Variants in TMEM232 observed in about 807,000 individuals in gnomAD.
TMEM232 encodes the protein transmembrane protein 232.
In TMEM232, 80 loss-of-function variants were observed where a neutral mutation model predicts 78.8. That is an observed-to-expected ratio of 1.01 (90% CI 0.85 to 1.22). TMEM232 has a LOEUF of 1.22. Ranked by LOEUF, TMEM232 falls within the 50% of genes most tolerant of loss-of-function variation. The pLI is 0.00. For synonymous variants in TMEM232, 297 were observed against 254.3 expected (o/e 1.17, Z -1.60); for missense variants, 881 against 742.2 (o/e 1.19, Z -2.17).
chr5:110,685,670 T>C (rs754061534), intron 1 of TMEM232, among the ~76,000 whole-genome samples: 1 of 152,094 alleles, frequency 6.6e-6, no homozygotes, highest in Non-Finnish European at 1.5e-5. Context: ...ATGAAAACAC[T>C]GTCATAAAAA....
intron 12 of TMEM232, among the ~76,000 whole-genome samples, chr5:110,528,249 C>A (rs1169356997): frequency 6.6e-6 from 1 of 151,430 alleles, no homozygotes; most frequent in African/African-American, 2.4e-5. Context: ...AAATACATAT[C>A]AAATATGTAT....
chr5:110,642,878 G>T (rs907939873), intron 2 of TMEM232, among the ~76,000 whole-genome samples: 1 of 152,068 alleles, frequency 6.6e-6, no homozygotes, highest in Non-Finnish European at 1.5e-5. Context: ...GAGATGGGAG[G>T]CTACTGCAGG....
chr5:110,693,930 T>C (rs1419280132), intron 1 of TMEM232, among the ~76,000 whole-genome samples: 2 of 151,974 alleles, frequency 1.3e-5, no homozygotes, highest in Non-Finnish European at 2.9e-5. Flanking sequence ...CAGGCCAACA[T>C]TCAAATTCAG....
intron 2 of TMEM232, among the ~76,000 whole-genome samples, chr5:110,649,751 C>T (rs1788033237): frequency 1.3e-5 from 2 of 152,020 alleles, no homozygotes; most frequent in Non-Finnish European, 2.9e-5. Context: ...AATGCCTATT[C>T]TGTGGCATGC....
intron 10 of TMEM232, among the ~76,000 whole-genome samples, chr5:110,596,962 G>T (rs894978105): frequency 6.6e-6 from 1 of 152,124 alleles, no homozygotes; most frequent in African/African-American, 2.4e-5. Flanking sequence ...CACAAGATAG[G>T]GATGACCTCT....
chr5:110,649,674 T>G (rs963135761), intron 2 of TMEM232, among the ~76,000 whole-genome samples: 5 of 152,160 alleles, frequency 3.3e-5, no homozygotes, highest in African/African-American at 4.8e-5. Context: ...TTAAAGTTTG[T>G]GTTTCCCTAA....
chr5:110,716,014 C>T (rs531045811), intron 1 of TMEM232, among the ~76,000 whole-genome samples: 1 of 152,070 alleles, frequency 6.6e-6, no homozygotes, highest in African/African-American at 2.4e-5. Context: ...CCCACCACTC[C>T]CAGCTTTGAG....
intron 12 of TMEM232, among the ~76,000 whole-genome samples, chr5:110,439,752 A>T (rs1386494821): frequency 6.6e-6 from 1 of 152,008 alleles, no homozygotes; most frequent in Non-Finnish European, 1.5e-5. Flanking sequence ...CAATTCACGG[A>T]GTCAAAATAC....
At chr5:110,681,944 A>G (rs1792802536) in intron 1 of TMEM232, among the ~76,000 whole-genome samples, 1 of 152,204 alleles carries the variant, frequency 6.6e-6, no homozygotes, top group Admixed American at 6.5e-5. Flanking sequence ...ATATTTCATG[A>G]TATTTCATAG....
intron 12 of TMEM232, among the ~76,000 whole-genome samples, chr5:110,426,542 A>G (rs562535427): frequency 1.3e-5 from 2 of 152,076 alleles, no homozygotes; most frequent in Non-Finnish European, 2.9e-5. Flanking sequence ...AATGGAGGGC[A>G]ATCTCAGGAG....
chr5:110,548,167 G>C (rs1175201710), intron 11 of TMEM232, among the ~76,000 whole-genome samples: 1 of 151,340 alleles, frequency 6.6e-6, no homozygotes, highest in South Asian at 2.1e-4. Context: ...AATAAGGAAA[G>C]AAACTTTTAA....
intron 11 of TMEM232, among the ~76,000 whole-genome samples, chr5:110,561,466 T>C (rs1021130419): frequency 2.0e-5 from 3 of 151,972 alleles, no homozygotes; most frequent in African/African-American, 7.3e-5. Context: ...ACATAAAGTG[T>C]TTATCAGATG....
At chr5:110,396,202 CA>C (rs895896476) in intron 3 of TMEM232, among the ~76,000 whole-genome samples, 1 of 152,106 alleles carries the variant, frequency 6.6e-6, no homozygotes, top group Non-Finnish European at 1.5e-5. Flanking sequence ...TTTAAACCAT[CA>C]GATCATGTGA....
At chr5:110,596,333 A>C (rs1240430506) in intron 10 of TMEM232, among the ~76,000 whole-genome samples, 1 of 152,206 alleles carries the variant, frequency 6.6e-6, no homozygotes, top group South Asian at 2.1e-4. Flanking sequence ...GAATCTCTGA[A>C]TAGACCAATA....
At chr5:110,707,350 G>C (rs1796028575) in intron 1 of TMEM232, among the ~76,000 whole-genome samples, 1 of 152,190 alleles carries the variant, frequency 6.6e-6, no homozygotes, top group South Asian at 2.1e-4. Flanking sequence ...ATTGGAGGAG[G>C]GAGAGTGCAG....
At chr5:110,685,957 G>A (rs1217031293) in intron 1 of TMEM232, among the ~76,000 whole-genome samples, 2 of 152,076 alleles carry the variant, frequency 1.3e-5, no homozygotes. Flanking sequence ...CTACTGCATG[G>A]TGATGGTCTA....
At chr5:110,679,572 G>A (rs911726601) in intron 1 of TMEM232, among the ~76,000 whole-genome samples, 3 of 151,928 alleles carry the variant, frequency 2.0e-5, no homozygotes, top group East Asian at 3.9e-4. Context: ...TGTATTTGGT[G>A]TCATATCTAA....
chr5:110,718,413 T>C (rs1797240777), intron 1 of TMEM232, among the ~76,000 whole-genome samples: 1 of 152,098 alleles, frequency 6.6e-6, no homozygotes. Flanking sequence ...CTGTTAATCT[T>C]ATTTATGTTC....
intron 12 of TMEM232, among the ~76,000 whole-genome samples, chr5:110,458,177 T>C (rs1446149941): frequency 6.6e-6 from 1 of 152,096 alleles, no homozygotes; most frequent in Admixed American, 6.5e-5. Flanking sequence ...TAATTTTAAG[T>C]TGATATTTTT....
Sources: allele counts gnomAD v4.1 joint callset (sites outside exome capture counted in the v4.1 genomes callset), GRCh38; gene constraint gnomAD v4.1.1; transcripts MANE v1.5; gene names NCBI Gene and HGNC (gene_info 2026-07-23, HGNC 2026-07-21).